The following SUMF1 variants were observed in gnomAD, a reference collection of about 807,000 sequenced individuals.
SUMF1 encodes the protein formylglycine-generating enzyme.
In SUMF1, 48 loss-of-function variants were observed where a neutral mutation model predicts 47.6. The observed-to-expected ratio is 1.01, with a 90% CI of 0.80 to 1.28. The LOEUF (loss-of-function observed/expected upper bound fraction) is 1.28, where lower values mean the gene tolerates loss of function less well. Ranked by LOEUF, SUMF1 falls within the 50% of genes most tolerant of loss-of-function variation. The pLI, the probability that SUMF1 is intolerant of heterozygous loss-of-function variation, is 0.00. For missense variants in SUMF1, 571 were observed against 485.4 expected (o/e 1.18, Z -1.66); for synonymous variants, 230 against 192.1 (o/e 1.20, Z -1.63).
At chr3:4,237,387 A>T (rs313629) in intron 8 of SUMF1, among the ~76,000 whole-genome samples, 26,224 of 152,046 alleles carry the variant, frequency 0.17, 2,668 homozygotes, top group South Asian at 0.38. Context: ...TATGATGTTG[A>T]ACATATTTTC....
chr3:4,176,089 G>C (rs1490229064), intron 8 of SUMF1, among the ~76,000 whole-genome samples: 1 of 152,134 alleles, frequency 6.6e-6, no homozygotes, highest in Non-Finnish European at 1.5e-5. Flanking sequence ...GATGGGGAGA[G>C]TGGAACCAAG....
intron 8 of SUMF1, among the ~76,000 whole-genome samples, chr3:4,330,023 G>C (rs1423959781): frequency 6.6e-6 from 1 of 152,000 alleles, no homozygotes; most frequent in Non-Finnish European, 1.5e-5. Context: ...TAGTCTCTTT[G>C]CTAATGTGTA....
rs545314445 is a variant in SUMF1 at position 4,147,359 on chromosome 3, T to C, written c.1015-78614A>G. On this transcript the variant is annotated intron_variant and NMD_transcript_variant, in intron 8 of 12. Transcript: ENST00000448413. ...TAAAACATGCTGCTATAAAGACACA[T>C]GCACACGTATGTTTATTGTGGCACT... Among the ~76,000 whole-genome samples, 7 of 152,248 alleles carry C rather than the reference T, an allele frequency of 4.6e-5. No individual in the cohort carries two copies. In the South Asian group the frequency reaches 8.3e-4, roughly 18 times the overall value.
chr3:4,228,889 T>A (rs950991152), intron 8 of SUMF1, among the ~76,000 whole-genome samples: 1 of 152,102 alleles, frequency 6.6e-6, no homozygotes, highest in Admixed American at 6.6e-5. Context: ...TACAATTTTT[T>A]CCAAATTGCG....
At chr3:4,207,967 GA>G (rs1559566086) in intron 8 of SUMF1, among the ~76,000 whole-genome samples, 1 of 152,134 alleles carries the variant, frequency 6.6e-6, no homozygotes, top group Non-Finnish European at 1.5e-5. Flanking sequence ...ATGTTTTTAT[GA>G]GTTCTACCTG....
chr3:4,245,188 T>A (rs1294821672), intron 8 of SUMF1, among the ~76,000 whole-genome samples: 1 of 152,132 alleles, frequency 6.6e-6, no homozygotes, highest in Non-Finnish European at 1.5e-5. Flanking sequence ...TGGAACATCC[T>A]CCTTTAGCTC....
Position 4,113,139 on chromosome 3 carries a change from A to C in SUMF1, c.1015-44394T>G, listed in dbSNP as rs139824820. The stretch of plus-strand genomic sequence containing the variant: ...TTGTTGCATGCATAGAATGTGTAAT[A>C]ATCAAGCCAAGGTACCTGGGGTATC... On this transcript the variant is annotated intron_variant and NMD_transcript_variant, in intron 8 of 12. Coordinates refer to the SUMF1 transcript ENST00000448413. Among the ~76,000 whole-genome samples the C allele has an allele frequency of 6.8e-4, 103 of 152,298 alleles. 1 individual carries two copies. The highest frequency in any genetic ancestry group is 2.4e-3 in the African/African-American group (99 of 41,532).
chr3:4,429,915 T>C (rs959072047), intron 3 of SUMF1, among the ~76,000 whole-genome samples: 13 of 152,194 alleles, frequency 8.5e-5, no homozygotes, highest in African/African-American at 3.1e-4. Flanking sequence ...ATTCTCCTGC[T>C]GGTGGAGGCA....
At chr3:4,235,101 G>C (rs1012621754) in intron 8 of SUMF1, among the ~76,000 whole-genome samples, 13 of 152,148 alleles carry the variant, frequency 8.5e-5, no homozygotes, top group African/African-American at 2.9e-4. Context: ...CAGTAACCTA[G>C]CTGAGAAACA....
intron 8 of SUMF1, among the ~76,000 whole-genome samples, chr3:4,265,280 G>A (rs1189812376): frequency 6.6e-6 from 1 of 151,872 alleles, no homozygotes; most frequent in Non-Finnish European, 1.5e-5. Flanking sequence ...TCAATGTTGA[G>A]TATCTTAAAG....
intron 8 of SUMF1, among the ~76,000 whole-genome samples, chr3:4,071,094 T>C (rs77833869): frequency 0.02 from 3,107 of 152,250 alleles, 121 homozygotes; most frequent in African/African-American, 0.069. Flanking sequence ...ATGTAAGCTA[T>C]GAAAAACAAG....
intron 8 of SUMF1, among the ~76,000 whole-genome samples, chr3:4,264,624 G>A (rs572513256): frequency 6.6e-5 from 10 of 152,048 alleles, no homozygotes; most frequent in Non-Finnish European, 1.0e-4. Context: ...TTTCTTCTGA[G>A]AGAAATAACA....
At chr3:4,197,380 TG>T (rs1695452007) in intron 8 of SUMF1, among the ~76,000 whole-genome samples, 1 of 152,068 alleles carries the variant, frequency 6.6e-6, no homozygotes, top group African/African-American at 2.4e-5. Flanking sequence ...GGATTACAGG[TG>T]TGAGCCAGTG....
chr3:4,183,906 G>C (rs997899205), intron 8 of SUMF1, among the ~76,000 whole-genome samples: 13 of 151,966 alleles, frequency 8.6e-5, no homozygotes, highest in African/African-American at 2.9e-4. Flanking sequence ...GAGGTGGGTG[G>C]TCACTTGAGG....
chr3:4,201,895 G>A (rs1219515899), intron 8 of SUMF1, among the ~76,000 whole-genome samples: 2 of 151,780 alleles, frequency 1.3e-5, no homozygotes, highest in African/African-American at 4.8e-5. Flanking sequence ...TCAAATACCT[G>A]TTTGCCATTT....
At chr3:4,385,007 A>T (rs57049741) in intron 7 of SUMF1, among the ~76,000 whole-genome samples, 33,178 of 151,332 alleles carry the variant, frequency 0.22, 4,005 homozygotes, top group African/African-American at 0.33. Flanking sequence ...TGCCTCAGCC[A>T]CCCGAGTAGC....
intron 8 of SUMF1, among the ~76,000 whole-genome samples, chr3:4,260,917 C>T (rs546698837): frequency 6.6e-6 from 1 of 152,222 alleles, no homozygotes; most frequent in Non-Finnish European, 1.5e-5. Context: ...ACGAATTCTC[C>T]TGCAGACCTC....
rs537338485 is a variant in SUMF1, at chr3:4,113,796, C to T, written c.1015-45051G>A. 1.8e-4 allele frequency among the ~76,000 whole-genome samples: 27 copies of T among 152,130 alleles called. 1 individual carries two copies. Among genetic ancestry groups the T allele is most frequent in the African/African-American group, 6.3e-4 (26 of 41,458 alleles). ...GGATCAGGAAAAAAGGTCATCATGA[C>T]CTTAATGTGGGGTAGGCAGATAGGA... On this transcript the variant is annotated intron_variant and NMD_transcript_variant, in intron 8 of 12. Transcript: ENST00000448413.
chr3:4,432,271 T>G (rs1466447712), intron 3 of SUMF1, among the ~76,000 whole-genome samples: 2 of 151,500 alleles, frequency 1.3e-5, no homozygotes, highest in East Asian at 1.9e-4. Flanking sequence ...TTTCTCTCTA[T>G]GCTTTCAGAG....
Sources: gnomAD v4.1 joint callset for allele counts (sites outside exome capture counted in the v4.1 genomes callset) on GRCh38, gnomAD v4.1.1 for gene constraint, MANE v1.5 for transcripts, NCBI Gene and HGNC (gene_info 2026-07-23, HGNC 2026-07-21) for gene names.